The following FMN1 variants were observed in gnomAD, a reference collection of about 807,000 sequenced individuals.
FMN1 encodes the protein formin 1.
In FMN1, 110 loss-of-function variants were observed where a neutral mutation model predicts 132.4. The observed-to-expected ratio is 0.83, with a 90% CI of 0.71 to 0.97. The LOEUF (loss-of-function observed/expected upper bound fraction) is 0.97. Among genes scored for constraint, FMN1 ranks in the 50% least tolerant of loss-of-function variants. The probability of loss-of-function intolerance (pLI) is 0.00; values close to 1 mark genes in which losing one functional copy is unlikely to be tolerated. For synonymous variants in FMN1, 722 were observed against 651.7 expected, an observed-to-expected ratio of 1.11 and a Z score of -1.64; for missense variants, 1,792 against 1,705.3, an observed-to-expected ratio of 1.05 and a Z score of -0.90.
rs2059148842 is a variant in FMN1, at chr15:32,857,052, C to G, written c.3891G>C (p.Gln1297His). 9 of 1,613,936 alleles carry G rather than the reference C, an allele frequency of 5.6e-6. No homozygotes were observed. Among genetic ancestry groups the G allele is most frequent in the Admixed American group, 1.7e-5 (1 of 60,026 alleles). ...ACTCCTCTAGTTTGTCCTTGAAAGGCTGGAGATACTCCTTTGGGGACTCCT... is the reference window on the plus strand; with the variant it reads ...ACTCCTCTAGTTTGTCCTTGAAAGGGTGGAGATACTCCTTTGGGGACTCCT... ...VCKESPKEYL[Q>H]PFKDKLEEFF... The change falls in exon 17 of 21, where the codon CAG (glutamine) becomes CAC (histidine). Residue 1297 changes from glutamine (Q) to histidine (H), a missense_variant. Around this residue, in one of 3 missense-constraint regions of FMN1, gnomAD observed 1,150 missense variants for 1,043.1 expected, o/e 1.10. Transcript: ENST00000616417.
intron 19 of FMN1, among the ~76,000 whole-genome samples, 162 bp from the exon 20 acceptor site, chr15:32,777,081 A>G (rs1380749271): frequency 6.6e-6 from 1 of 152,212 alleles, no homozygotes; most frequent in African/African-American, 2.4e-5. Flanking sequence ...AATGCTTGTT[A>G]TTAAATTCAA....
intron 2 of FMN1, among the ~76,000 whole-genome samples, chr15:33,190,934 G>A (rs984869206): frequency 6.6e-6 from 1 of 152,128 alleles, no homozygotes; most frequent in African/African-American, 2.4e-5. Flanking sequence ...ACTTTGGAAG[G>A]CCGAGGCAGG....
rs1361720359 is a variant in FMN1 at position 32,776,930 on chromosome 15, AATAGGGAAAAGACAGGGGAG to A, written c.4131-31_4131-12del. ...TGAGCCATTTTCAATCTGAAATAGA[AATAGGGAAAAGACAGGGGAG>A]AGAGGGAAAAGAAAGGAAGAGGGAA... On this transcript the variant is annotated splice_polypyrimidine_tract_variant and intron_variant, in intron 19 of 20. Coordinates refer to ENST00000616417, the MANE Select transcript of FMN1 (RefSeq NM_001277313.2). The A allele has an allele frequency of 5.9e-6, 9 of 1,521,074 alleles. No homozygotes were observed. The highest frequency in any genetic ancestry group is 8.1e-6 in the Non-Finnish European group (9 of 1,107,728). The allele number at this position is 1,521,074 out of a possible 1,614,324, so 94.2% of individuals were successfully genotyped here.
At chr15:33,127,846 AAG>A (rs1467973677) in intron 4 of FMN1, among the ~76,000 whole-genome samples, 3 of 152,320 alleles carry the variant, frequency 2.0e-5, no homozygotes, top group East Asian at 1.9e-4. Context: ...TTCTGTTGGT[AAG>A]AGAGAAGTGA....
intron 4 of FMN1, among the ~76,000 whole-genome samples, chr15:33,128,842 G>A (rs546494473): frequency 0.014 from 2,128 of 152,340 alleles, 36 homozygotes; most frequent in Non-Finnish European, 0.022. Context: ...CAATGCGGAA[G>A]ACAACCGGAG....
At chr15:33,016,507 G>A (rs534336927) in intron 6 of FMN1, among the ~76,000 whole-genome samples, 1 of 152,132 alleles carries the variant, frequency 6.6e-6, no homozygotes, top group African/African-American at 2.4e-5. Flanking sequence ...AAGCATAACC[G>A]GTTTTGTGTC....
chr15:32,967,125 T>C (rs1287473846), intron 8 of FMN1, among the ~76,000 whole-genome samples: 1 of 152,230 alleles, frequency 6.6e-6, no homozygotes, highest in Non-Finnish European at 1.5e-5. Context: ...AGATTTATGA[T>C]GAAACCAGTG....
chr15:33,005,403 T>A (rs923399233), intron 7 of FMN1, among the ~76,000 whole-genome samples: 3 of 152,226 alleles, frequency 2.0e-5, no homozygotes, highest in African/African-American at 7.2e-5. Flanking sequence ...GTTTGGAACA[T>A]TTTTAATCTT....
rs2061609648 is a variant in FMN1 at position 32,950,038 on chromosome 15, T to TATATATACAC, written c.3138+14068_3138+14069insGTGTATATAT. On this transcript the variant is annotated intron_variant, in intron 9 of 20. Transcript: ENST00000616417. ...ATACACATATATATATATATACACA[T>TATATATACAC]ATATATATATATACACATATATATA... 6.9e-4 allele frequency among the ~76,000 whole-genome samples: 3 copies of TATATATACAC among 4,378 alleles called. 1 individual carries two copies. Among genetic ancestry groups the TATATATACAC allele is most frequent in the Non-Finnish European group, 2.0e-3 (3 of 1,518 alleles). 2.9% of individuals were successfully genotyped at this position (4,378 alleles called of 152,430 possible).
At chr15:33,047,962 G>C (rs896596235) in intron 6 of FMN1, among the ~76,000 whole-genome samples, 1 of 151,962 alleles carries the variant, frequency 6.6e-6, no homozygotes, top group African/African-American at 2.4e-5. Context: ...ATATGTGCGC[G>C]TGTGTAATCT....
intron 7 of FMN1, among the ~76,000 whole-genome samples, chr15:32,971,188 T>C (rs897148080): frequency 6.6e-6 from 1 of 152,226 alleles, no homozygotes; most frequent in Non-Finnish European, 1.5e-5. Flanking sequence ...TCATATAAAA[T>C]AGTAGGCATT....
At chr15:32,988,357 GAA>G (rs1285737327) in intron 7 of FMN1, among the ~76,000 whole-genome samples, 2 of 152,170 alleles carry the variant, frequency 1.3e-5, no homozygotes, top group African/African-American at 2.4e-5. Flanking sequence ...CAAAGTATTT[GAA>G]AGAGGTGGCC....
chr15:33,039,622 G>A (rs1194747522), intron 6 of FMN1, among the ~76,000 whole-genome samples: 1 of 152,100 alleles, frequency 6.6e-6, no homozygotes, highest in African/African-American at 2.4e-5. Context: ...CCCCAGGCCA[G>A]GCAAATAAAT....
At position 33,003,072 on chromosome 15, in the gene FMN1, G is replaced by T. The variant is rs536678212; in HGVS notation, c.2223+4942C>A. On this transcript the variant is annotated intron_variant, in intron 7 of 20. Coordinates refer to ENST00000616417, the MANE Select transcript of FMN1 (RefSeq NM_001277313.2). ...TATTGATGGGACGTATCTCAAAATA[G>T]TAAGAGCTATCTATCAATATCATAC... is the stretch of plus-strand genomic sequence containing the variant. 2.7e-4 allele frequency among the ~76,000 whole-genome samples: 41 copies of T among 152,158 alleles called. No individual in the cohort carries two copies. The South Asian group carries it at 7.9e-3, about 29-fold the overall frequency.
intron 4 of FMN1, among the ~76,000 whole-genome samples, chr15:33,143,263 A>T (rs181902319): frequency 1.2e-4 from 19 of 152,356 alleles, no homozygotes; most frequent in African/African-American, 4.3e-4. Context: ...AAATAGGGTA[A>T]CAGCATCTAA....
chr15:33,163,441 C>T (rs975540883), intron 3 of FMN1, among the ~76,000 whole-genome samples: 15 of 139,814 alleles, frequency 1.1e-4, no homozygotes, highest in African/African-American at 4.0e-4. Context: ...ATTACAGGCA[C>T]GCACCACCAT....
chr15:32,869,411 C>G (rs1355982306), intron 16 of FMN1, among the ~76,000 whole-genome samples: 2 of 152,146 alleles, frequency 1.3e-5, no homozygotes, highest in Non-Finnish European at 2.9e-5. Context: ...AGCTATTTGA[C>G]TAGAGATTTA....
chr15:32,934,931 T>TC (rs2061224487), intron 9 of FMN1, among the ~76,000 whole-genome samples: 1 of 149,640 alleles, frequency 6.7e-6, no homozygotes, highest in African/African-American at 2.5e-5. Context: ...CTTTTTCTTT[T>TC]TTTTTTTTTG....
chr15:32,855,176 AAAAAAAGAAAAAAG>A (rs913409260), intron 17 of FMN1, among the ~76,000 whole-genome samples: 1 of 149,712 alleles, frequency 6.7e-6, no homozygotes, highest in African/African-American at 2.5e-5. Flanking sequence ...AAAAAAAAAA[AAAAAAAGAAAAAAG>A]AAAGAAAATC....
Sources: allele counts gnomAD v4.1 joint callset (sites outside exome capture counted in the v4.1 genomes callset), GRCh38; gene constraint gnomAD v4.1.1; regional missense constraint gnomAD v4.1.1; transcripts MANE v1.5; gene names NCBI Gene and HGNC (gene_info 2026-07-23, HGNC 2026-07-21).